OGT: variants seen among roughly 807,000 people sequenced by gnomAD.
OGT encodes the protein UDP-N-acetylglucosamine--peptide N-acetylglucosaminyltransferase 110 kDa subunit.
OGT carries 3 observed loss-of-function variants against 75.8 expected under a neutral mutation model. The ratio of observed to expected loss-of-function variants is 0.04; its 90% confidence interval spans 0.02 to 0.10. The LOEUF (loss-of-function observed/expected upper bound fraction) is 0.10, where lower values mean the gene tolerates loss of function less well. Among genes scored for constraint, OGT ranks in the 10% least tolerant of loss-of-function variants. OGT has a pLI of 1.00. For synonymous variants in OGT, 257 were observed against 289.7 expected (o/e 0.89, Z 1.15); for missense variants, 260 against 824.4 (o/e 0.32, Z 8.38).
At chrX:71,552,241 A>T (rs1051051818) in intron 5 of OGT, among the ~76,000 whole-genome samples, 11 of 110,282 alleles carry the variant, frequency 1.0e-4, no homozygotes, top group African/African-American at 3.3e-4. Flanking sequence ...AAAATAAATA[A>T]TGAGTGACAC....
At chrX:71,547,690 C>T in intron 4 of OGT, 1 of 1,051,115 alleles carries the variant, frequency 9.5e-7, no homozygotes. Flanking sequence ...CACTTGGGTT[C>T]TGGTGGCGCA....
At chrX:71,561,640 G>T (rs747409208) in intron 14 of OGT, 135 bp from the exon 15 acceptor site, 1 of 479,517 alleles carries the variant, frequency 2.1e-6, no homozygotes, top group East Asian at 4.2e-5. Context: ...GTTAATTTGT[G>T]TTCTTACCTC....
chrX:71,540,532 T>C (rs1048679152), intron 3 of OGT, among the ~76,000 whole-genome samples: 3 of 112,367 alleles, frequency 2.7e-5, no homozygotes, highest in Admixed American at 9.4e-5. Flanking sequence ...TTAATAGATA[T>C]GTCAATTTAG....
At chrX:71,560,266 ACT>A (rs2040373362) in intron 14 of OGT, among the ~76,000 whole-genome samples, 3 of 89,726 alleles carry the variant, frequency 3.3e-5, no homozygotes, top group Non-Finnish European at 6.4e-5. Flanking sequence ...CAAGAGCAAG[ACT>A]CTGTCTCAAA....
At chrX:71,565,531 GT>G (rs1286042253) in intron 19 of OGT, among the ~76,000 whole-genome samples, 1 of 111,743 alleles carries the variant, frequency 8.9e-6, no homozygotes, top group African/African-American at 3.2e-5. Flanking sequence ...ACCTGGCCTT[GT>G]GCTCATTTAT....
In OGT at chrX:71,556,039, A is replaced by C. The variant is rs1408367197; in HGVS notation, c.1010A>C (p.Lys337Thr). Residue 337 changes from lysine (K) to threonine (T), a missense_variant, in exon 8 of 22, where the codon AAA becomes ACA. By Grantham distance (78) the Lys-to-Thr change is moderately conservative. Coordinates refer to ENST00000373719, the MANE Select transcript of OGT (RefSeq NM_181672.3). ...ADSLNNLANI[K>T]REQGNIEEAV... ...TCTCTGAATAACCTAGCCAATATCA[A>C]ACGAGAACAGGGAAACATTGAAGAG... 8.3e-7 allele frequency: 1 copy of C among 1,211,839 alleles called. No individual in the cohort carries two copies. Among genetic ancestry groups the C allele is most frequent in the Non-Finnish European group, 1.1e-6 (1 of 895,442 alleles).
intron 21 of OGT, among the ~76,000 whole-genome samples, chrX:71,570,274 C>T (rs1268913453): frequency 4.6e-5 from 5 of 109,817 alleles, no homozygotes; most frequent in African/African-American, 1.0e-4. Context: ...CTCCTGACCT[C>T]GTGATCCACC....
At chrX:71,551,389 C>T (rs184911972) in intron 5 of OGT, among the ~76,000 whole-genome samples, 40 of 112,214 alleles carry the variant, frequency 3.6e-4, no homozygotes, top group Non-Finnish European at 6.2e-4. Flanking sequence ...CCCAGCACTT[C>T]GGGAGGCCAT....
rs1023879898 is a variant in OGT at position 71,547,916 on chromosome X, T to C, written c.541T>C (p.Leu181=). 1 of 1,209,446 alleles carries C rather than the reference T, an allele frequency of 8.3e-7. No individual in the cohort carries two copies. Among genetic ancestry groups the C allele is most frequent in the Non-Finnish European group, 1.1e-6 (1 of 894,361 alleles). Residue 181 remains leucine (L), a synonymous_variant, in exon 5 of 22, where the codon TTG becomes CTG. Coordinates refer to ENST00000373719, the MANE Select transcript of OGT (RefSeq NM_181672.3). Reference sequence around the variant, plus strand: ...ATTAACCCCTCCTAAGGCATGTTATTTGAAAGCAATTGAGACGCAACCGAA... The same window carrying C: ...ATTAACCCCTCCTAAGGCATGTTATCTGAAAGCAATTGAGACGCAACCGAA... The part of the protein sequence containing the change: ...GRLEEAKACY[L]KAIETQPNFA...
intron 3 of OGT, among the ~76,000 whole-genome samples, chrX:71,544,264 C>T (rs376160907): frequency 1.8e-5 from 2 of 111,749 alleles, no homozygotes; most frequent in Non-Finnish European, 3.8e-5. Flanking sequence ...GGAGCAGCAC[C>T]TTTTAGTAAA....
chrX:71,566,343 C>T (rs1274298417), intron 19 of OGT, among the ~76,000 whole-genome samples: 2 of 111,743 alleles, frequency 1.8e-5, no homozygotes, highest in Middle Eastern at 4.7e-3. Flanking sequence ...AAGGACTGCC[C>T]GAGACTGGGT....
intron 5 of OGT, 114 bp downstream of exon 5, chrX:71,548,137 G>A (rs2040274991): frequency 2.8e-6 from 2 of 720,935 alleles, no homozygotes; most frequent in Non-Finnish European, 4.0e-6. Context: ...TTCTCTGGCG[G>A]TATAGGCAGT....
Position 71,557,109 on chromosome X carries a change from C to G in OGT, c.1320+4C>G, listed in dbSNP as rs1445352224. ...CAATCTGGCTTCCATTCATAAGGTACTACTGTTTATTATAATATGTGCAGT... is the reference window on the plus strand; with the variant it reads ...CAATCTGGCTTCCATTCATAAGGTAGTACTGTTTATTATAATATGTGCAGT... On this transcript the variant is annotated splice_donor_region_variant and intron_variant, in intron 10 of 21. Transcript: ENST00000373719. 6 of 1,209,214 alleles carry G rather than the reference C, an allele frequency of 5.0e-6. No individual in the cohort carries two copies. In the African/African-American group the frequency reaches 1.0e-4, roughly 21 times the overall value.
chrX:71,562,280 A>G (rs2040389851), intron 15 of OGT, among the ~76,000 whole-genome samples: 1 of 112,720 alleles, frequency 8.9e-6, no homozygotes, highest in South Asian at 3.6e-4. Flanking sequence ...CCTGGGCAAC[A>G]AAGCAAAACA....
At chrX:71,542,595 A>ATAT (rs1308084795) in intron 3 of OGT, among the ~76,000 whole-genome samples, 33 of 112,128 alleles carry the variant, frequency 2.9e-4, no homozygotes, top group African/African-American at 1.0e-3. Flanking sequence ...ACAGCTGGCT[A>ATAT]CTATGTATGG....
At chrX:71,538,713 CAT>C (rs1001002853) in intron 3 of OGT, among the ~76,000 whole-genome samples, 2 of 112,082 alleles carry the variant, frequency 1.8e-5, no homozygotes, top group African/African-American at 3.2e-5. Flanking sequence ...GATACAAAAA[CAT>C]AAGACTTTCC....
Position 71,569,805 on chromosome X carries a change from G to T in OGT, c.2966+1689G>T, listed in dbSNP as rs531445255. On this transcript the variant is annotated intron_variant, in intron 21 of 21. Coordinates refer to ENST00000373719, the MANE Select transcript of OGT (RefSeq NM_181672.3). ...GGCTGGAGTGCAGTGGCGCGATCTC[G>T]GCTCACTGCAACCTCCACCTCCCGG... Among the ~76,000 whole-genome samples, 5 of 108,888 alleles carry T rather than the reference G, an allele frequency of 4.6e-5. No homozygotes were observed. In the South Asian group the frequency reaches 2.0e-3, roughly 44 times the overall value. The allele number at this position is 108,888 out of a possible 115,157, so 94.6% of individuals were successfully genotyped here.
intron 14 of OGT, among the ~76,000 whole-genome samples, chrX:71,560,133 G>A (rs2040371976): frequency 9.1e-6 from 1 of 109,368 alleles, no homozygotes; most frequent in African/African-American, 3.3e-5. Context: ...CAAAAAATTA[G>A]CTGGGTGTGG....
intron 16 of OGT, 51 bp from the exon 17 acceptor site, chrX:71,563,079 A>G (rs1427776081): frequency 4.2e-6 from 5 of 1,191,419 alleles, no homozygotes; most frequent in East Asian, 3.0e-5. Context: ...TTTCCTTGCT[A>G]TTGTCTATGT....
Sources: gnomAD v4.1 joint callset for allele counts (sites outside exome capture counted in the v4.1 genomes callset) on GRCh38, gnomAD v4.1.1 for gene constraint, MANE v1.5 for transcripts, NCBI Gene and HGNC (gene_info 2026-07-23, HGNC 2026-07-21) for gene names.